Variants in TACR3 observed in about 807,000 individuals in gnomAD.
TACR3 encodes the protein tachykinin receptor 3.
Under a neutral mutation model 35.0 loss-of-function variants are expected in TACR3, and 34 were observed. That is an observed-to-expected ratio of 0.97 (90% CI 0.74 to 1.30). The LOEUF is 1.30. Among genes scored for constraint, TACR3 ranks in the 50% most tolerant of loss-of-function variants. The pLI is 0.00. For synonymous variants in TACR3, 233 were observed against 221.1 expected (o/e 1.05, Z -0.48); for missense variants, 558 against 591.7 (o/e 0.94, Z 0.59).
At position 103,590,002 on chromosome 4, in the gene TACR3, A is replaced by G. The variant is rs367877038; in HGVS notation, c.1086-8T>C. The G allele has an allele frequency of 6.2e-7, 1 of 1,613,022 alleles. No homozygotes were observed. Among genetic ancestry groups the G allele is most frequent in the African/African-American group, 1.3e-5 (1 of 74,904 alleles). Reference sequence around the variant, plus strand: ...TTGAAGCCAGCTCGAAATCTGAGGAAAAGCAGGCCACAGAAAGAAAAAGTT... The same window carrying G: ...TTGAAGCCAGCTCGAAATCTGAGGAGAAGCAGGCCACAGAAAGAAAAAGTT... On this transcript the variant is annotated splice_polypyrimidine_tract_variant and splice_region_variant and intron_variant, in intron 4 of 4. Coordinates refer to ENST00000304883, the MANE Select transcript of TACR3 (RefSeq NM_001059.3).
chr4:103,654,028 A>T (rs1485621103), intron 3 of TACR3, among the ~76,000 whole-genome samples: 5 of 139,806 alleles, frequency 3.6e-5, no homozygotes, highest in Non-Finnish European at 7.5e-5. Context: ...AATGGCGAGC[A>T]TTAAAAAGTC....
At position 103,719,177 on chromosome 4, in the gene TACR3, T is replaced by C. The variant is rs760572287; in HGVS notation, c.499A>G (p.Thr167Ala). 1.2e-6 allele frequency: 2 copies of C among 1,614,046 alleles called. No homozygotes were observed. Among genetic ancestry groups the C allele is most frequent in the South Asian group, 1.1e-5 (1 of 91,074 alleles). The change falls in exon 1 of 5, where the codon ACA (threonine) becomes GCA (alanine). Residue 167 changes from threonine to alanine, a missense_variant. Thr to Ala is a moderately conservative substitution (Grantham distance 58). Coordinates refer to ENST00000304883, the MANE Select transcript of TACR3 (RefSeq NM_001059.3). ...YCRFQNFFPI[T>A]AVFASIYSMT... ...GAGTAGATGCTGGCGAACACAGCTG[T>C]GATAGGAAAGAAGTTCTGGAAGCGG...
At chr4:103,631,906 TATC>T (rs1332128755) in intron 3 of TACR3, among the ~76,000 whole-genome samples, 2 of 152,190 alleles carry the variant, frequency 1.3e-5, no homozygotes, top group African/African-American at 4.8e-5. Context: ...TCTAACCAAG[TATC>T]ATTTCAATTC....
At chr4:103,615,687 A>G (rs1322345269) in intron 3 of TACR3, among the ~76,000 whole-genome samples, 1 of 152,206 alleles carries the variant, frequency 6.6e-6, no homozygotes, top group East Asian at 1.9e-4. Context: ...GGAAAATTAG[A>G]AAAATAAAAC....
intron 1 of TACR3, among the ~76,000 whole-genome samples, chr4:103,694,804 G>A (rs988128815): frequency 1.5e-4 from 23 of 152,184 alleles, no homozygotes; most frequent in Admixed American, 1.5e-3. Flanking sequence ...TTTAAGGCAT[G>A]TATTATTAAA....
chr4:103,591,701 C>A lies in TACR3; in HGVS notation c.889-18G>T, dbSNP rs774187240. 8 of 1,595,404 alleles carry A rather than the reference C, an allele frequency of 5.0e-6. No homozygotes were observed. In the East Asian group the frequency reaches 1.1e-4, roughly 23 times the overall value. On this transcript the variant is annotated intron_variant, in intron 3 of 4. Coordinates refer to ENST00000304883, the MANE Select transcript of TACR3 (RefSeq NM_001059.3). ...TTGACAACCTATAAAGAAAAAAAGT[C>A]ATTTTTGACAAATATAATACTCATA...
intron 3 of TACR3, among the ~76,000 whole-genome samples, chr4:103,646,764 A>G (rs1390940789): frequency 6.6e-6 from 1 of 151,986 alleles, no homozygotes; most frequent in African/African-American, 2.4e-5. Context: ...TATGTAGAAG[A>G]GATGGATAGC....
intron 1 of TACR3, among the ~76,000 whole-genome samples, chr4:103,715,905 T>C (rs1035174768): frequency 2.6e-5 from 4 of 152,172 alleles, no homozygotes; most frequent in Non-Finnish European, 4.4e-5. Flanking sequence ...ATGTAAGATA[T>C]GTTATATATA....
chr4:103,598,975 T>C (rs1724116568), intron 3 of TACR3, among the ~76,000 whole-genome samples: 2 of 152,186 alleles, frequency 1.3e-5, no homozygotes, highest in African/African-American at 2.4e-5. Context: ...AAGTAGTTTT[T>C]CCCAGTTCTG....
intron 1 of TACR3, among the ~76,000 whole-genome samples, chr4:103,711,525 A>G (rs1031860454): frequency 1.3e-5 from 2 of 152,246 alleles, no homozygotes; most frequent in African/African-American, 4.8e-5. Flanking sequence ...TGACAAACCC[A>G]CAGCACATAT....
chr4:103,670,036 G>T (rs1726023114), intron 1 of TACR3, among the ~76,000 whole-genome samples: 2 of 151,754 alleles, frequency 1.3e-5, no homozygotes, highest in South Asian at 4.1e-4. Context: ...CTCCATAATG[G>T]ATATCCAGTT....
chr4:103,709,390 C>T (rs1008613862), intron 1 of TACR3, among the ~76,000 whole-genome samples: 9 of 152,172 alleles, frequency 5.9e-5, no homozygotes, highest in Non-Finnish European at 8.8e-5. Flanking sequence ...CCTAGAATTT[C>T]ATATCCAGCC....
chr4:103,690,484 G>A (rs778264595), intron 1 of TACR3, among the ~76,000 whole-genome samples: 87 of 152,122 alleles, frequency 5.7e-4, no homozygotes, highest in Middle Eastern at 6.8e-3. Flanking sequence ...TTCAATATAC[G>A]TCAATATGCA....
intron 3 of TACR3, among the ~76,000 whole-genome samples, chr4:103,599,779 C>T (rs1344662252): frequency 2.0e-5 from 3 of 152,172 alleles, no homozygotes; most frequent in African/African-American, 7.2e-5. Flanking sequence ...GTATGTCGAA[C>T]CAGCCTTGCA....
chr4:103,615,178 G>A (rs960791000), intron 3 of TACR3, among the ~76,000 whole-genome samples: 5 of 152,046 alleles, frequency 3.3e-5, no homozygotes, highest in Admixed American at 2.0e-4. Flanking sequence ...TTACAGGCGT[G>A]AGCCACCGCG....
At chr4:103,608,513 C>A (rs1293718538) in intron 3 of TACR3, among the ~76,000 whole-genome samples, 1 of 151,868 alleles carries the variant, frequency 6.6e-6, no homozygotes, top group African/African-American at 2.4e-5. Flanking sequence ...CACTATATAC[C>A]CATGAAACAA....
intron 1 of TACR3, among the ~76,000 whole-genome samples, chr4:103,706,019 G>A (rs575066283): frequency 3.9e-4 from 59 of 152,178 alleles, no homozygotes; most frequent in Admixed American, 9.2e-4. Context: ...TGGATGCGGG[G>A]AGACCAATTA....
At chr4:103,669,003 C>G (rs557152301) in intron 1 of TACR3, among the ~76,000 whole-genome samples, 5 of 152,230 alleles carry the variant, frequency 3.3e-5, no homozygotes, top group African/African-American at 9.6e-5. Flanking sequence ...ATCCACTCCT[C>G]TAGTTATTTT....
chr4:103,603,734 T>C (rs1724269671), intron 3 of TACR3, among the ~76,000 whole-genome samples: 1 of 152,186 alleles, frequency 6.6e-6, no homozygotes, highest in South Asian at 2.1e-4. Flanking sequence ...TCTAGATCTT[T>C]GAGGAATTGC....
Sources: gnomAD v4.1 joint callset for allele counts (sites outside exome capture counted in the v4.1 genomes callset) on GRCh38, gnomAD v4.1.1 for gene constraint, MANE v1.5 for transcripts, NCBI Gene and HGNC (gene_info 2026-07-23, HGNC 2026-07-21) for gene names.